Variants in MPP7 observed in about 807,000 individuals in gnomAD.
MPP7 encodes the protein MAGUK p55 scaffold protein 7.
In MPP7, 60 loss-of-function variants were observed where a neutral mutation model predicts 76.5. That is an observed-to-expected ratio of 0.78 (90% CI 0.64 to 0.97). The LOEUF is 0.97. Ranked by LOEUF, MPP7 falls within the 50% of genes least tolerant of loss-of-function variation. The probability of loss-of-function intolerance (pLI) is 0.00; values close to 1 mark genes in which losing one functional copy is unlikely to be tolerated. For missense variants in MPP7, 641 were observed against 694.0 expected (o/e 0.92, Z 0.86); for synonymous variants, 237 against 244.5 (o/e 0.97, Z 0.29).
intron 2 of MPP7, among the ~76,000 whole-genome samples, chr10:28,212,643 C>T (rs1838177754): frequency 6.6e-6 from 1 of 152,130 alleles, no homozygotes; most frequent in African/African-American, 2.4e-5. Context: ...AGGCAGGGGA[C>T]TGCGCCCTGA....
chr10:28,326,440 G>A (rs1834416672), intron 2 of MPP7, among the ~76,000 whole-genome samples: 1 of 152,172 alleles, frequency 6.6e-6, no homozygotes, highest in Non-Finnish European at 1.5e-5. Context: ...AATATTAATT[G>A]AAGGAAGGTG....
chr10:28,253,921 G>C (rs553860520), intron 1 of MPP7, among the ~76,000 whole-genome samples: 1 of 148,980 alleles, frequency 6.7e-6, no homozygotes, highest in Non-Finnish European at 1.5e-5. Context: ...ACTTGAACCT[G>C]GGAGACACAG....
At chr10:28,290,613 C>T (rs1840894509) in intron 1 of MPP7, among the ~76,000 whole-genome samples, 1 of 152,162 alleles carries the variant, frequency 6.6e-6, no homozygotes, top group Non-Finnish European at 1.5e-5. Flanking sequence ...GCTGGGATTA[C>T]AGGCGCATGC....
chr10:28,060,061 T>A (rs1027566536), intron 13 of MPP7, among the ~76,000 whole-genome samples: 7 of 152,108 alleles, frequency 4.6e-5, no homozygotes, highest in African/African-American at 1.7e-4. Flanking sequence ...TTTTTTTTTT[T>A]TTTGCAAATA....
intron 3 of MPP7, among the ~76,000 whole-genome samples, chr10:28,200,279 A>G (rs2133978680): frequency 6.6e-6 from 1 of 152,318 alleles, no homozygotes; most frequent in South Asian, 2.1e-4. Flanking sequence ...GTGTCTGATA[A>G]AAGTTGGGGG....
chr10:28,080,059 G>T lies in MPP7; in HGVS notation c.1123+9612C>A, dbSNP rs1208982438. On this transcript the variant is annotated intron_variant, in intron 12 of 16. Transcript: ENST00000683449. ...GCAGAGGTTGCAGTGAGCCAAGATTGGGAGGGGGAGGGGGAGGGAGGGAGA... is the reference window on the plus strand; with the variant it reads ...GCAGAGGTTGCAGTGAGCCAAGATTTGGAGGGGGAGGGGGAGGGAGGGAGA... Among the ~76,000 whole-genome samples the T allele has an allele frequency of 4.8e-5, 7 of 145,376 alleles. No homozygotes were observed. The East Asian group carries it at 1.4e-3, about 29-fold the overall frequency.
chr10:28,258,025 T>A (rs1839840686), intron 1 of MPP7, among the ~76,000 whole-genome samples: 1 of 152,046 alleles, frequency 6.6e-6, no homozygotes, highest in South Asian at 2.1e-4. Context: ...ACAAATAACA[T>A]AAACATACAC....
chr10:28,310,020 T>TTTTA (rs57172078), intron 2 of MPP7, among the ~76,000 whole-genome samples: 24,647 of 143,880 alleles, frequency 0.17, 2,559 homozygotes, highest in East Asian at 0.43. Context: ...TTTTTTTTTT[T>TTTTA]AAACGGAGTC....
At chr10:28,099,947 A>C (rs148754586) in intron 11 of MPP7, among the ~76,000 whole-genome samples, 32 of 152,202 alleles carry the variant, frequency 2.1e-4, no homozygotes, top group Admixed American at 5.2e-4. Context: ...TCACCTTAAA[A>C]TTACTAAAAT....
chr10:28,239,317 T>C (rs1270201408), intron 1 of MPP7, among the ~76,000 whole-genome samples: 1 of 151,812 alleles, frequency 6.6e-6, no homozygotes, highest in Non-Finnish European at 1.5e-5. Context: ...GGCTAATTTT[T>C]TTTTTTTTAA....
At chr10:28,265,562 A>G (rs1277497765) in intron 1 of MPP7, among the ~76,000 whole-genome samples, 1 of 151,964 alleles carries the variant, frequency 6.6e-6, no homozygotes, top group Non-Finnish European at 1.5e-5. Context: ...CTGTCTCCCC[A>G]CCCCACCCCC....
intron 4 of MPP7, 63 bp downstream of exon 4, chr10:28,149,919 A>G: frequency 4.8e-6 from 6 of 1,245,916 alleles, no homozygotes; most frequent in Non-Finnish European, 7.0e-6. Context: ...GCACTAGGAC[A>G]GGTTCTGCCT....
chr10:28,264,692 G>A (rs751810922), intron 1 of MPP7, among the ~76,000 whole-genome samples: 1 of 152,020 alleles, frequency 6.6e-6, no homozygotes, highest in Non-Finnish European at 1.5e-5. Context: ...GCAAACATAT[G>A]GAAGTGGGAA....
chr10:28,057,752 T>C (rs1265025947), intron 15 of MPP7: 1 of 1,288,772 alleles, frequency 7.8e-7, no homozygotes, highest in Admixed American at 2.3e-5. Flanking sequence ...CAGATTCATC[T>C]TCCTTTAGAG....
chr10:28,186,067 C>A (rs1446453961), intron 3 of MPP7, among the ~76,000 whole-genome samples: 1 of 152,162 alleles, frequency 6.6e-6, no homozygotes, highest in Non-Finnish European at 1.5e-5. Context: ...ACAGTATTGG[C>A]CGGGAGTGGT....
chr10:28,136,963 A>G (rs1835371520), intron 5 of MPP7, among the ~76,000 whole-genome samples: 1 of 152,158 alleles, frequency 6.6e-6, no homozygotes, highest in Non-Finnish European at 1.5e-5. Flanking sequence ...AAATAGTCCA[A>G]ATATGATGAA....
intron 1 of MPP7, among the ~76,000 whole-genome samples, chr10:28,281,573 A>G (rs1840672994): frequency 6.6e-6 from 1 of 152,118 alleles, no homozygotes; most frequent in Non-Finnish European, 1.5e-5. Flanking sequence ...CAGAGACAGA[A>G]AAAATAAAAA....
intron 2 of MPP7, among the ~76,000 whole-genome samples, chr10:28,324,032 A>T (rs1834389661): frequency 1.3e-5 from 2 of 152,198 alleles, no homozygotes. Context: ...TTCAGTTATT[A>T]TGAGGACTAA....
At chr10:28,272,911 T>C (rs1437839229) in intron 1 of MPP7, among the ~76,000 whole-genome samples, 4 of 110,242 alleles carry the variant, frequency 3.6e-5, no homozygotes, top group Non-Finnish European at 8.1e-5. Context: ...AATGGTTTGT[T>C]TTTTTTGTTT....
Sources: allele counts gnomAD v4.1 joint callset (sites outside exome capture counted in the v4.1 genomes callset), GRCh38; gene constraint gnomAD v4.1.1; transcripts MANE v1.5; gene names NCBI Gene and HGNC (gene_info 2026-07-23, HGNC 2026-07-21).